The following KLHL8 variants were observed in gnomAD, a reference collection of about 807,000 sequenced individuals.
KLHL8 encodes the protein kelch like family member 8.
KLHL8 carries 38 observed loss-of-function variants against 63.5 expected under a neutral mutation model. That is an observed-to-expected ratio of 0.60 (90% CI 0.46 to 0.78). The LOEUF (loss-of-function observed/expected upper bound fraction) is 0.78. Among genes scored for constraint, KLHL8 ranks in the 30% least tolerant of loss-of-function variants. The pLI, the probability that KLHL8 is intolerant of heterozygous loss-of-function variation, is 0.00. For synonymous variants in KLHL8, 224 were observed against 254.3 expected (o/e 0.88, Z 1.13); for missense variants, 566 against 752.4 (o/e 0.75, Z 2.90).
At chr4:87,163,724 G>T in intron 9 of KLHL8, 82 bp from the exon 10 acceptor site, 4 of 1,578,842 alleles carry the variant, frequency 2.5e-6, no homozygotes, top group Non-Finnish European at 3.5e-6. Flanking sequence ...AATTCCCTAT[G>T]TGAGACTGGT....
At chr4:87,209,845 T>TG (rs1285320811) in intron 1 of KLHL8, among the ~76,000 whole-genome samples, 2 of 133,132 alleles carry the variant, frequency 1.5e-5, no homozygotes, top group East Asian at 4.6e-4. Context: ...TGTTCCGTTT[T>TG]GGGTTTTTTT....
rs562346020 is a variant in KLHL8, at chr4:87,236,758, G to A, written n.57+3500C>T. ...CAGCTCACTGCAAACTCTACCTCCC[G>A]GGTTCAAGCGTTTCTCCTGCCTCAG... On this transcript the variant is annotated intron_variant and non_coding_transcript_variant, in intron 1 of 1. Coordinates refer to the KLHL8 transcript ENST00000506274. Among the ~76,000 whole-genome samples the A allele has an allele frequency of 1.8e-4, 26 of 142,822 alleles. 1 individual carries two copies. The Middle Eastern group carries it at 0.015, about 83-fold the overall frequency. The allele number at this position is 142,822 out of a possible 152,430, so 93.7% of individuals were successfully genotyped here. A position where few individuals can be genotyped will look rare whatever the true frequency, so the allele number is the denominator to read the frequency against.
intron 3 of KLHL8, 145 bp from the exon 4 acceptor site, chr4:87,183,534 T>C: frequency 4.5e-6 from 3 of 672,672 alleles, no homozygotes; most frequent in Non-Finnish European, 7.3e-6. Context: ...AAAACTTAAG[T>C]TGTTACTTCA....
chr4:87,177,517 A>G (rs925460743), intron 5 of KLHL8, among the ~76,000 whole-genome samples: 5 of 148,642 alleles, frequency 3.4e-5, no homozygotes, highest in Non-Finnish European at 7.5e-5. Context: ...AAAAAACACA[A>G]ACAAACAAAC....
In KLHL8 at chr4:87,170,444, T is replaced by C. The variant is rs754335030; in HGVS notation, c.1377+3A>G. ...TTTAATGACAAGTTGCCATATAACT[T>C]ACTACTAGAGCAACAGAGCCAACTC... is the stretch of plus-strand genomic sequence containing the variant. On this transcript the variant is annotated splice_donor_region_variant and intron_variant, in intron 7 of 9. Transcript: ENST00000273963. 1.3e-6 allele frequency: 2 copies of C among 1,592,766 alleles called. No individual in the cohort carries two copies. The highest frequency in any genetic ancestry group is 8.5e-7 in the Non-Finnish European group (1 of 1,173,506).
chr4:87,217,058 A>G (rs900965768), intron 1 of KLHL8, among the ~76,000 whole-genome samples: 2 of 152,218 alleles, frequency 1.3e-5, no homozygotes, highest in African/African-American at 4.8e-5. Context: ...TGAGCTCAGA[A>G]CAATATTATA....
chr4:87,189,332 C>T (rs78412318), intron 2 of KLHL8, among the ~76,000 whole-genome samples: 1,727 of 152,278 alleles, frequency 0.011, 37 homozygotes, highest in African/African-American at 0.039. Flanking sequence ...GTGGGAGCTT[C>T]AGGCTAAACT....
intron 2 of KLHL8, among the ~76,000 whole-genome samples, chr4:87,195,116 T>C (rs1159873622): frequency 6.6e-6 from 1 of 152,204 alleles, no homozygotes; most frequent in African/African-American, 2.4e-5. Flanking sequence ...AACATTAAAT[T>C]AGTACAATAA....
chr4:87,230,611 T>G (rs879856286), intron 1 of KLHL8, among the ~76,000 whole-genome samples: 1 of 152,192 alleles, frequency 6.6e-6, no homozygotes, highest in African/African-American at 2.4e-5. Flanking sequence ...ACACTGACAA[T>G]CTATAAATCT....
At chr4:87,165,096 G>C (rs184790330) in intron 8 of KLHL8, among the ~76,000 whole-genome samples, 1,476 of 142,422 alleles carry the variant, frequency 0.01, 15 homozygotes, top group Middle Eastern at 0.035. Context: ...CTTGCAGTGA[G>C]CCGAGATTGT....
chr4:87,211,780 G>A (rs1474023529), intron 1 of KLHL8, among the ~76,000 whole-genome samples: 1 of 152,156 alleles, frequency 6.6e-6, no homozygotes, highest in Non-Finnish European at 1.5e-5. Context: ...ATTCAACACT[G>A]ATAGGAGACC....
intron 2 of KLHL8, among the ~76,000 whole-genome samples, chr4:87,188,871 A>G (rs1731361491): frequency 6.6e-6 from 1 of 152,236 alleles, no homozygotes; most frequent in Admixed American, 6.5e-5. Flanking sequence ...TATAAATACT[A>G]TATGTCCCTG....
intron 1 of KLHL8, among the ~76,000 whole-genome samples, chr4:87,235,555 A>G (rs1733211659): frequency 6.6e-6 from 1 of 152,220 alleles, no homozygotes; most frequent in African/African-American, 2.4e-5. Flanking sequence ...AAGTATAAAA[A>G]TATCCCTTTG....
intron 1 of KLHL8, among the ~76,000 whole-genome samples, chr4:87,233,372 G>C (rs1733171278): frequency 6.6e-6 from 1 of 152,132 alleles, no homozygotes; most frequent in Non-Finnish European, 1.5e-5. Flanking sequence ...TGGATCACTT[G>C]AGGTCAGGAG....
At chr4:87,171,114 C>A (rs1023498054) in intron 6 of KLHL8, among the ~76,000 whole-genome samples, 2 of 151,898 alleles carry the variant, frequency 1.3e-5, no homozygotes, top group African/African-American at 2.4e-5. Flanking sequence ...ATTTCTGAAG[C>A]GTATTTATTT....
Position 87,185,419 on chromosome 4 carries a change from T to G in KLHL8, c.597A>C (p.Val199=). 6.2e-7 allele frequency: 1 copy of G among 1,614,196 alleles called. No homozygotes were observed. The highest frequency in any genetic ancestry group is 8.5e-7 in the Non-Finnish European group (1 of 1,180,024). ...DQYACDHFTE[V]VECEDFVSVS... Reference sequence around the variant, plus strand: ...CACTTACAAAGTCTTCACACTCCACTACTTCAGTAAAATGGTCACAGGCAT... The same window carrying G: ...CACTTACAAAGTCTTCACACTCCACGACTTCAGTAAAATGGTCACAGGCAT... Residue 199 remains valine (V), a synonymous_variant, in exon 3 of 10, where the codon GTA becomes GTC. Coordinates refer to ENST00000273963, the MANE Select transcript of KLHL8 (RefSeq NM_020803.5).
intron 1 of KLHL8, among the ~76,000 whole-genome samples, chr4:87,231,625 C>T (rs1383355776): frequency 6.6e-6 from 1 of 151,508 alleles, no homozygotes; most frequent in Admixed American, 6.6e-5. Flanking sequence ...GAGATGGAGT[C>T]TCGCTCTGTC....
At chr4:87,207,396 C>T (rs61734704) in intron 1 of KLHL8, 128,502 of 675,294 alleles carry the variant, frequency 0.19, 13,554 homozygotes, top group Admixed American at 0.26. Flanking sequence ...TTTTCACCCC[C>T]ATGGAGAAGG....
intron 2 of KLHL8, among the ~76,000 whole-genome samples, chr4:87,189,941 G>A (rs1731415716): frequency 6.6e-6 from 1 of 150,596 alleles, no homozygotes; most frequent in Non-Finnish European, 1.5e-5. Context: ...GGCTGAGGCA[G>A]GAGAATCGCT....
Sources: allele counts gnomAD v4.1 joint callset (sites outside exome capture counted in the v4.1 genomes callset), GRCh38; gene constraint gnomAD v4.1.1; transcripts MANE v1.5; gene names NCBI Gene and HGNC (gene_info 2026-07-23, HGNC 2026-07-21).